The following AFAP1L2 variants were observed in gnomAD, a reference collection of about 807,000 sequenced individuals.
AFAP1L2 encodes actin filament associated protein 1 like 2.
AFAP1L2 carries 46 observed loss-of-function variants against 99.3 expected under a neutral mutation model. The ratio of observed to expected loss-of-function variants is 0.46; its 90% CI spans 0.37 to 0.59. The LOEUF is 0.59. Ranked by LOEUF, AFAP1L2 falls within the 20% of genes least tolerant of loss-of-function variation. AFAP1L2 has a pLI of 0.00. For synonymous variants in AFAP1L2, 397 were observed against 419.1 expected, an observed-to-expected ratio of 0.95 and a Z score of 0.64; for missense variants, 959 against 1,034.9, an observed-to-expected ratio of 0.93 and a Z score of 1.01.
At chr10:114,335,155 C>A (rs2047746233) in intron 2 of AFAP1L2, among the ~76,000 whole-genome samples, 2 of 152,128 alleles carry the variant, frequency 1.3e-5, no homozygotes, top group African/African-American at 4.8e-5. Context: ...ATTGGCATGG[C>A]CATTTTAGAG....
chr10:114,298,990 C>A (rs1008288264), intron 16 of AFAP1L2, among the ~76,000 whole-genome samples: 2 of 152,240 alleles, frequency 1.3e-5, no homozygotes, highest in Non-Finnish European at 2.9e-5. Context: ...CTATGCATAA[C>A]CCTGTAAAAC....
At chr10:114,367,121 G>A (rs1219442465) in intron 1 of AFAP1L2, among the ~76,000 whole-genome samples, 2 of 152,228 alleles carry the variant, frequency 1.3e-5, no homozygotes, top group Non-Finnish European at 2.9e-5. Flanking sequence ...TGTGGGAGGT[G>A]AAGGCTAACA....
At chr10:114,359,611 C>T (rs934977500) in intron 1 of AFAP1L2, among the ~76,000 whole-genome samples, 2 of 152,184 alleles carry the variant, frequency 1.3e-5, no homozygotes, top group Non-Finnish European at 2.9e-5. Context: ...GGTTGGCTGG[C>T]AAATAATGTT....
At chr10:114,321,218 A>G (rs1478829716) in intron 5 of AFAP1L2, among the ~76,000 whole-genome samples, 1 of 152,122 alleles carries the variant, frequency 6.6e-6, no homozygotes, top group Middle Eastern at 3.2e-3. Context: ...CGAGTGGTGT[A>G]CACTGTACCG....
At chr10:114,307,966 TGA>T (rs1159893104) in intron 9 of AFAP1L2, 57 bp from the exon 10 acceptor site, 1 of 1,500,746 alleles carries the variant, frequency 6.7e-7, no homozygotes, top group Non-Finnish European at 9.3e-7. Flanking sequence ...CACGTGCCCA[TGA>T]GAGATGGAAA....
intron 15 of AFAP1L2, 131 bp from the exon 16 acceptor site, chr10:114,299,546 G>C: frequency 9.3e-7 from 1 of 1,072,978 alleles, no homozygotes. Flanking sequence ...TGCCAGACCT[G>C]GACAGGTCCC....
chr10:114,404,673 A>C, upstream of AFAP1L2: 1 of 537,906 alleles, frequency 1.9e-6, no homozygotes, highest in Non-Finnish European at 2.8e-6. Context: ...GCGCCGGAGA[A>C]CTCCGGCCCG....
intron 1 of AFAP1L2, among the ~76,000 whole-genome samples, chr10:114,373,050 C>T (rs368541979): frequency 8.5e-5 from 13 of 152,192 alleles, no homozygotes; most frequent in South Asian, 4.2e-4. Flanking sequence ...AATTCCATCC[C>T]GGGCAACAGG....
rs554117530 is a variant in AFAP1L2, at chr10:114,338,519, A to G, written c.145+2084T>C. 2.0e-5 allele frequency among the ~76,000 whole-genome samples: 3 copies of G among 152,362 alleles called. No individual in the cohort carries two copies. The South Asian group carries it at 6.2e-4, about 32-fold the overall frequency. ...TAGCCGCCTCCTTCGTAATAGTTCA[A>G]ATCTGTGAACAACTCAAATGGCCAT... is the stretch of plus-strand genomic sequence containing the variant. On this transcript the variant is annotated intron_variant, in intron 2 of 18. Coordinates refer to ENST00000304129, the MANE Select transcript of AFAP1L2 (RefSeq NM_001001936.3).
intron 1 of AFAP1L2, among the ~76,000 whole-genome samples, chr10:114,346,201 A>G (rs1483989471): frequency 6.6e-6 from 1 of 152,134 alleles, no homozygotes; most frequent in African/African-American, 2.4e-5. Flanking sequence ...CTCTGGATCC[A>G]TATCATTGTT....
intron 1 of AFAP1L2, among the ~76,000 whole-genome samples, chr10:114,384,223 G>A (rs1439823562): frequency 1.3e-5 from 2 of 152,134 alleles, no homozygotes; most frequent in Non-Finnish European, 2.9e-5. Context: ...ACCTTTCTTG[G>A]CAGCCACGAA....
rs564747545 is a variant in AFAP1L2, at chr10:114,369,345, G to A, written c.17-28614C>T. On this transcript the variant is annotated intron_variant, in intron 1 of 18. Coordinates refer to ENST00000304129, the MANE Select transcript of AFAP1L2 (RefSeq NM_001001936.3). ...GCACAGTGGCTCACGCCTGTAATCC[G>A]AGCACTTTCGGAGGCCGAGGCGGGC... Among the ~76,000 whole-genome samples, 12 of 152,154 alleles carry A rather than the reference G, an allele frequency of 7.9e-5. No homozygotes were observed. In the South Asian group the frequency reaches 1.5e-3, roughly 18 times the overall value.
intron 6 of AFAP1L2, 113 bp downstream of exon 6, chr10:114,315,447 A>C: frequency 1.9e-6 from 2 of 1,079,162 alleles, no homozygotes; most frequent in Non-Finnish European, 2.7e-6. Flanking sequence ...ATCTCCTGAC[A>C]TAAACAAGCT....
intron 2 of AFAP1L2, among the ~76,000 whole-genome samples, chr10:114,335,490 G>A (rs1341771080): frequency 1.3e-5 from 2 of 151,434 alleles, no homozygotes; most frequent in Non-Finnish European, 2.9e-5. Context: ...GTGGGCGCCT[G>A]TAGTCCCAGC....
chr10:114,283,482 T>G, the AFAP1L2 span, among the ~76,000 whole-genome samples: 1 of 152,226 alleles, frequency 6.6e-6, no homozygotes, highest in East Asian at 1.9e-4. Flanking sequence ...CACCACGGCC[T>G]CTGAAGCACA....
chr10:114,288,878 C>A, the AFAP1L2 span: 1 of 1,542,530 alleles, frequency 6.5e-7, no homozygotes, highest in South Asian at 1.2e-5. Flanking sequence ...GTCCCTGGGT[C>A]CCGTCGAGGG....
Position 114,340,904 on chromosome 10 carries a change from A to C in AFAP1L2, c.17-173T>G. The C allele has an allele frequency of 1.2e-5, 10 of 831,876 alleles. 1 individual carries two copies. In the South Asian group the frequency reaches 1.3e-4, roughly 11 times the overall value. The allele number at this position is 831,876 out of a possible 1,614,324, so 51.5% of individuals were successfully genotyped here. A position where few individuals can be genotyped will look rare whatever the true frequency, so the allele number is the denominator to read the frequency against. On this transcript the variant is annotated intron_variant, in intron 1 of 18. Coordinates refer to ENST00000304129, the MANE Select transcript of AFAP1L2 (RefSeq NM_001001936.3). Reference sequence around the variant, plus strand: ...GGACTGGGCAGAAGATGGGATTCTCAGCTCCAGGGCCACAGGGAGAGAGAA... The same window carrying C: ...GGACTGGGCAGAAGATGGGATTCTCCGCTCCAGGGCCACAGGGAGAGAGAA...
At chr10:114,362,913 C>G in intron 1 of AFAP1L2, 1 of 970,392 alleles carries the variant, frequency 1.0e-6, no homozygotes, top group South Asian at 4.8e-5. Flanking sequence ...CAAGGCCCTC[C>G]ATCTGTGCCA....
At chr10:114,325,831 G>A (rs1697065468) in intron 4 of AFAP1L2, 2 of 1,241,016 alleles carry the variant, frequency 1.6e-6, no homozygotes, top group Admixed American at 2.6e-5. Flanking sequence ...ACTTGCCTGT[G>A]GTCCACTAAC....
Sources: gnomAD v4.1 joint callset for allele counts (sites outside exome capture counted in the v4.1 genomes callset) on GRCh38, gnomAD v4.1.1 for gene constraint, MANE v1.5 for transcripts, NCBI Gene and HGNC (gene_info 2026-07-23, HGNC 2026-07-21) for gene names.